Variants in SMCO4 observed in about 807,000 individuals in gnomAD.
SMCO4 encodes single-pass membrane protein with coiled-coil domains 4, also known as single-pass membrane and coiled-coil domain-containing protein 4.
Under a neutral mutation model 3.6 loss-of-function variants are expected in SMCO4, and 4 were observed. That is an observed-to-expected ratio of 1.11 (90% confidence interval 0.54 to 2.53). The LOEUF is 2.53. SMCO4 is among the 30% of genes most tolerant of loss of function. The pLI, the probability that SMCO4 is intolerant of heterozygous loss-of-function variation, is 0.02. For missense variants in SMCO4, 70 were observed against 80.8 expected (o/e 0.87, Z 0.51); for synonymous variants, 36 against 35.3 (o/e 1.02, Z -0.07).
the SMCO4 span, among the ~76,000 whole-genome samples, chr11:93,551,837 A>C: frequency 0.13 from 20,518 of 152,172 alleles, 1,866 homozygotes; most frequent in African/African-American, 0.25. Flanking sequence ...AGTAAGCATG[A>C]TTTAGAAGTG....
intron 2 of SMCO4, among the ~76,000 whole-genome samples, chr11:93,496,069 G>C (rs1948768735): frequency 6.6e-6 from 1 of 152,214 alleles, no homozygotes; most frequent in Admixed American, 6.5e-5. Context: ...GTTTCATCAA[G>C]TGCAGGATGA....
the SMCO4 span, among the ~76,000 whole-genome samples, chr11:93,548,759 G>A: frequency 1.3e-4 from 20 of 152,134 alleles, no homozygotes; most frequent in Non-Finnish European, 2.5e-4. Context: ...AAAGAGTGAA[G>A]CAACAAAAGC....
chr11:93,514,390 AT>A (rs1451557104), intron 1 of SMCO4, among the ~76,000 whole-genome samples: 1 of 19,388 alleles, frequency 5.2e-5, no homozygotes, highest in Non-Finnish European at 1.4e-4. Context: ...ATATATATAT[AT>A]ATATATATAT....
intron 2 of SMCO4, among the ~76,000 whole-genome samples, chr11:93,480,404 C>T (rs1318696678): frequency 2.6e-5 from 4 of 152,170 alleles, no homozygotes; most frequent in South Asian, 2.1e-4. Flanking sequence ...CAGATGAACT[C>T]GCCACCCCCC....
intron 1 of SMCO4, among the ~76,000 whole-genome samples, chr11:93,527,468 T>G (rs937791256): frequency 3.9e-5 from 6 of 152,100 alleles, no homozygotes; most frequent in Non-Finnish European, 8.8e-5. Context: ...AAAGGCAATT[T>G]TTTTCCTTGA....
At chr11:93,545,438 C>T (rs1949308323), upstream of SMCO4, among the ~76,000 whole-genome samples, 1 of 151,268 alleles carries the variant, frequency 6.6e-6, no homozygotes. Context: ...AATACAAAAA[C>T]TAGCTGGGCG....
At chr11:93,490,609 G>GGCT (rs1011561349) in intron 2 of SMCO4, among the ~76,000 whole-genome samples, 1 of 152,198 alleles carries the variant, frequency 6.6e-6, no homozygotes, top group Non-Finnish European at 1.5e-5. Context: ...TACCAGTCAA[G>GGCT]GCTGCCTCTC....
intron 1 of SMCO4, among the ~76,000 whole-genome samples, chr11:93,520,323 T>C (rs538309918): frequency 1.3e-5 from 2 of 152,336 alleles, no homozygotes; most frequent in Middle Eastern, 3.4e-3. Flanking sequence ...TAACAACTCT[T>C]ATTCACTGAA....
At chr11:93,507,917 G>C (rs1948923120) in intron 1 of SMCO4, among the ~76,000 whole-genome samples, 1 of 152,092 alleles carries the variant, frequency 6.6e-6, no homozygotes, top group Non-Finnish European at 1.5e-5. Flanking sequence ...AAGAGATTTG[G>C]GAAAAAGTAA....
upstream of SMCO4, among the ~76,000 whole-genome samples, chr11:93,545,446 G>T (rs1364976787): frequency 6.6e-6 from 1 of 151,986 alleles, no homozygotes; most frequent in African/African-American, 2.4e-5. Flanking sequence ...AACTAGCTGG[G>T]CGTGGTGGCA....
Position 93,495,906 on chromosome 11 carries a change from T to C in SMCO4, c.-81+3370A>G, listed in dbSNP as rs116363342. Among the ~76,000 whole-genome samples, 1,107 of 152,190 alleles carry C rather than the reference T, an allele frequency of 7.3e-3. 8 individuals are homozygous for C. The highest frequency in any genetic ancestry group is 0.025 in the African/African-American group (1,054 of 41,502). On this transcript the variant is annotated intron_variant, in intron 2 of 2. Coordinates refer to ENST00000298966, the MANE Select transcript of SMCO4 (RefSeq NM_020179.3). ...GAGTTATTTTATTGCGTTTGGAAAATTGAAGTCACTGCAATCTTCCTAGGA... is the reference window on the plus strand; with the variant it reads ...GAGTTATTTTATTGCGTTTGGAAAACTGAAGTCACTGCAATCTTCCTAGGA...
the SMCO4 span, among the ~76,000 whole-genome samples, chr11:93,550,536 G>A: frequency 8.5e-3 from 1,291 of 152,174 alleles, 12 homozygotes; most frequent in African/African-American, 0.024. Flanking sequence ...ATAGCCAGGC[G>A]TGGTGGCACA....
chr11:93,518,914 G>T (rs12417512), intron 1 of SMCO4, among the ~76,000 whole-genome samples: 2 of 152,140 alleles, frequency 1.3e-5, no homozygotes, highest in Non-Finnish European at 2.9e-5. Flanking sequence ...CTGAATTCCC[G>T]CCCTGGTTCT....
At chr11:93,491,267 C>T (rs2134582435) in intron 2 of SMCO4, among the ~76,000 whole-genome samples, 1 of 152,364 alleles carries the variant, frequency 6.6e-6, no homozygotes, top group Non-Finnish European at 1.5e-5. Context: ...GGCAGTGCTT[C>T]TCCTAACTTG....
chr11:93,510,818 G>T (rs1283803937), intron 1 of SMCO4, among the ~76,000 whole-genome samples: 1 of 152,122 alleles, frequency 6.6e-6, no homozygotes, highest in Non-Finnish European at 1.5e-5. Context: ...GACAAAAACA[G>T]GCCACTGCAG....
intron 1 of SMCO4, among the ~76,000 whole-genome samples, chr11:93,522,823 T>C (rs376245826): frequency 3.9e-5 from 6 of 152,148 alleles, no homozygotes; most frequent in African/African-American, 1.4e-4. Flanking sequence ...TTCTAATTTA[T>C]AACACATAAA....
In SMCO4 at chr11:93,478,733, A is replaced by G. The variant is rs2134560651; in HGVS notation, c.*277T>C. ...AAGAAGCACACACACACACACACAC[A>G]CACACACACACACACACACATGCGC... On this transcript the variant is annotated 3_prime_UTR_variant, in exon 3 of 3. Coordinates refer to ENST00000298966, the MANE Select transcript of SMCO4 (RefSeq NM_020179.3). 4.9e-6 allele frequency: 3 copies of G among 606,716 alleles called. No homozygotes were observed. The highest frequency in any genetic ancestry group is 6.9e-6 in the Non-Finnish European group (3 of 431,928). 37.6% of individuals were successfully genotyped at this position (606,716 alleles called of 1,614,324 possible). A position where few individuals can be genotyped will look rare whatever the true frequency, so the allele number is the denominator to read the frequency against.
At chr11:93,508,200 T>C (rs1290036931) in intron 1 of SMCO4, among the ~76,000 whole-genome samples, 1 of 152,134 alleles carries the variant, frequency 6.6e-6, no homozygotes, top group African/African-American at 2.4e-5. Flanking sequence ...ACTGCTGAGC[T>C]AGTGTCGTAG....
the SMCO4 span, among the ~76,000 whole-genome samples, chr11:93,553,503 TC>T: frequency 6.6e-6 from 1 of 152,216 alleles, no homozygotes; most frequent in African/African-American, 2.4e-5. Flanking sequence ...TATTAGCAAT[TC>T]CCATGAATTT....
Sources: allele counts gnomAD v4.1 joint callset (sites outside exome capture counted in the v4.1 genomes callset), GRCh38; gene constraint gnomAD v4.1.1; transcripts MANE v1.5; gene names NCBI Gene and HGNC (gene_info 2026-07-23, HGNC 2026-07-21).